Variants in GPC5 observed in about 807,000 individuals in gnomAD.
GPC5 encodes glypican-5.
In GPC5, 47 loss-of-function variants were observed where a neutral mutation model predicts 53.9. The ratio of observed to expected loss-of-function variants is 0.87; its 90% CI spans 0.69 to 1.11. The LOEUF is 1.11. Ranked by LOEUF, GPC5 falls within the 50% of genes most tolerant of loss-of-function variation. The pLI, the probability that GPC5 is intolerant of heterozygous loss-of-function variation, is 0.00. For missense variants in GPC5, 748 were observed against 713.1 expected (o/e 1.05, Z -0.56); for synonymous variants, 286 against 263.3 (o/e 1.09, Z -0.84).
At chr13:92,802,647 C>T (rs536910960) in intron 7 of GPC5, among the ~76,000 whole-genome samples, 1 of 151,884 alleles carries the variant, frequency 6.6e-6, no homozygotes, top group East Asian at 2.0e-4. Flanking sequence ...ATCCATGTTC[C>T]TACAAAGGAC....
At chr13:91,896,022 A>T (rs1468469781) in intron 5 of GPC5, among the ~76,000 whole-genome samples, 1 of 152,086 alleles carries the variant, frequency 6.6e-6, no homozygotes, top group Non-Finnish European at 1.5e-5. Flanking sequence ...TCTGTAAAAA[A>T]TGACCTCTGC....
intron 7 of GPC5, among the ~76,000 whole-genome samples, chr13:92,644,041 T>C (rs1160446985): frequency 1.3e-5 from 2 of 152,066 alleles, no homozygotes; most frequent in African/African-American, 4.8e-5. Flanking sequence ...AGAGGAAGCA[T>C]GGGGGTAGGT....
At chr13:92,388,433 C>T (rs996368520) in intron 7 of GPC5, among the ~76,000 whole-genome samples, 1 of 152,054 alleles carries the variant, frequency 6.6e-6, no homozygotes, top group Non-Finnish European at 1.5e-5. Context: ...CACTCAGTGA[C>T]TAAGACAGCA....
chr13:92,571,695 C>T (rs575323495), intron 7 of GPC5, among the ~76,000 whole-genome samples: 1 of 152,148 alleles, frequency 6.6e-6, no homozygotes, highest in Admixed American at 6.5e-5. Flanking sequence ...AAATATGAAA[C>T]TGCATTCCAA....
At chr13:91,900,609 T>G (rs1953269203) in intron 5 of GPC5, among the ~76,000 whole-genome samples, 1 of 152,088 alleles carries the variant, frequency 6.6e-6, no homozygotes, top group African/African-American at 2.4e-5. Flanking sequence ...TGCTTTGAAT[T>G]TTTGATTAAA....
In GPC5 at chr13:92,698,975, G is replaced by C. The variant is rs1887643753; in HGVS notation, c.1562-167307G>C. ...ATCAAATGAGTTAGGGATAGCTGTTGTTTAGAATAGTTTCAGAAGAAATGG... is the reference window on the plus strand; with the variant it reads ...ATCAAATGAGTTAGGGATAGCTGTTCTTTAGAATAGTTTCAGAAGAAATGG... On this transcript the variant is annotated intron_variant, in intron 7 of 7. Coordinates refer to ENST00000377067, the MANE Select transcript of GPC5 (RefSeq NM_004466.6). Among the ~76,000 whole-genome samples the C allele has an allele frequency of 2.6e-5, 4 of 152,014 alleles. No homozygotes were observed. In the South Asian group the frequency reaches 8.3e-4, roughly 31 times the overall value.
intron 7 of GPC5, among the ~76,000 whole-genome samples, chr13:92,232,863 C>T (rs974685703): frequency 5.3e-5 from 8 of 152,032 alleles, no homozygotes; most frequent in South Asian, 2.1e-4. Context: ...TCCAATCTTC[C>T]GCATTTTTTT....
chr13:92,219,799 GA>G (rs2042436127), intron 7 of GPC5, among the ~76,000 whole-genome samples: 1 of 152,060 alleles, frequency 6.6e-6, no homozygotes, highest in African/African-American at 2.4e-5. Context: ...ACTGATTGTG[GA>G]CCACTACTTT....
chr13:92,013,419 C>T (rs2138778721), intron 6 of GPC5, among the ~76,000 whole-genome samples: 1 of 152,274 alleles, frequency 6.6e-6, no homozygotes, highest in African/African-American at 2.4e-5. Context: ...TCTCTCCAGT[C>T]AAGCTGCTTC....
At chr13:91,938,393 G>C (rs187966805) in intron 6 of GPC5, among the ~76,000 whole-genome samples, 1 of 152,220 alleles carries the variant, frequency 6.6e-6, no homozygotes, top group East Asian at 1.9e-4. Flanking sequence ...CACAAGGCAG[G>C]CACCATGCTA....
intron 7 of GPC5, chr13:92,709,392 A>G (rs1476733507): frequency 6.6e-6 from 1 of 152,042 alleles, no homozygotes; most frequent in Non-Finnish European, 1.5e-5. Flanking sequence ...TCACCATAGC[A>G]TTAATGTCCA....
At chr13:92,251,085 C>T in intron 7 of GPC5, among the ~76,000 whole-genome samples, 1 of 152,024 alleles carries the variant, frequency 6.6e-6, no homozygotes, top group East Asian at 1.9e-4. Context: ...AATACAGCTG[C>T]TACAAAGTAT....
At chr13:92,685,544 ATT>A (rs61560973) in intron 7 of GPC5, among the ~76,000 whole-genome samples, 9,607 of 105,842 alleles carry the variant, frequency 0.091, 807 homozygotes, top group East Asian at 0.37. Context: ...AATTATGCTC[ATT>A]TTTTTTTTTT....
intron 7 of GPC5, among the ~76,000 whole-genome samples, chr13:92,314,008 T>A (rs1004044729): frequency 1.3e-5 from 2 of 152,142 alleles, no homozygotes; most frequent in East Asian, 3.9e-4. Flanking sequence ...ACCAATTACT[T>A]CAAAACACTA....
intron 6 of GPC5, among the ~76,000 whole-genome samples, chr13:92,051,208 T>C (rs1040604421): frequency 5.5e-5 from 8 of 145,132 alleles, no homozygotes; most frequent in Non-Finnish European, 1.1e-4. Context: ...TCTTTTTTTT[T>C]TTTTTTTTTT....
At chr13:92,110,683 C>G (rs961838436) in intron 6 of GPC5, among the ~76,000 whole-genome samples, 1 of 152,162 alleles carries the variant, frequency 6.6e-6, no homozygotes, top group Non-Finnish European at 1.5e-5. Context: ...TTTTAGTTCT[C>G]TAAGGCTACA....
At chr13:91,569,067 T>A (rs1424635847) in intron 2 of GPC5, among the ~76,000 whole-genome samples, 1 of 152,130 alleles carries the variant, frequency 6.6e-6, no homozygotes, top group Non-Finnish European at 1.5e-5. Flanking sequence ...TCTTTTTTAA[T>A]GTAAGATGTG....
At chr13:91,428,194 TTG>T (rs1410933103) in intron 1 of GPC5, among the ~76,000 whole-genome samples, 1 of 152,142 alleles carries the variant, frequency 6.6e-6, no homozygotes, top group Non-Finnish European at 1.5e-5. Flanking sequence ...GTTTGGTGAG[TTG>T]TGAGTTCTTG....
intron 7 of GPC5, among the ~76,000 whole-genome samples, chr13:92,462,993 A>T (rs1463756522): frequency 6.6e-6 from 1 of 152,172 alleles, no homozygotes; most frequent in Non-Finnish European, 1.5e-5. Flanking sequence ...GACGAAGCAC[A>T]TACCCTGCAA....
Sources: gnomAD v4.1 joint callset for allele counts (sites outside exome capture counted in the v4.1 genomes callset) on GRCh38, gnomAD v4.1.1 for gene constraint, MANE v1.5 for transcripts, NCBI Gene and HGNC (gene_info 2026-07-23, HGNC 2026-07-21) for gene names.